CDH10: variants seen among roughly 807,000 people sequenced by gnomAD.
CDH10 encodes cadherin-10.
A neutral mutation model predicts 73.1 loss-of-function variants in CDH10; 30 were observed. The ratio of observed to expected loss-of-function variants is 0.41; its 90% CI spans 0.31 to 0.56. The LOEUF is 0.56. Ranked by LOEUF, CDH10 falls within the 20% of genes least tolerant of loss-of-function variation. CDH10 has a pLI of 0.27. For synonymous variants in CDH10, 345 were observed against 348.2 expected, an observed-to-expected ratio of 0.99 and a Z score of 0.10; for missense variants, 815 against 973.7, an observed-to-expected ratio of 0.84 and a Z score of 2.17.
chr5:24,529,503 C>T (rs1188661548), intron 5 of CDH10, among the ~76,000 whole-genome samples: 1 of 151,826 alleles, frequency 6.6e-6, no homozygotes, highest in Non-Finnish European at 1.5e-5. Context: ...CTAACATTAA[C>T]CAAATGATGA....
rs772588728 is a variant in CDH10 at position 24,488,118 on chromosome 5, G to T, written c.1912C>A (p.Arg638=). The T allele has an allele frequency of 3.7e-6, 6 of 1,610,880 alleles. No individual in the cohort carries two copies. Among genetic ancestry groups the T allele is most frequent in the Non-Finnish European group, 4.2e-6 (5 of 1,178,502 alleles). Residue 638 remains arginine (R), a synonymous_variant, in exon 12 of 12, where the codon CGA becomes AGA. Coordinates refer to ENST00000264463, the MANE Select transcript of CDH10 (RefSeq NM_006727.5). The part of the protein sequence containing the change: ...VVLFAALKRQ[R]KKEPLILSKE... ...GACAAGATCAGAGGCTCTTTTTTTCGCTGTCTTTTCAGAGCTGCAAACAGT... is the reference window on the plus strand; with the variant it reads ...GACAAGATCAGAGGCTCTTTTTTTCTCTGTCTTTTCAGAGCTGCAAACAGT...
intron 1 of CDH10, among the ~76,000 whole-genome samples, chr5:24,599,402 AT>A (rs1746483130): frequency 6.6e-6 from 1 of 152,114 alleles, no homozygotes; most frequent in South Asian, 2.1e-4. Context: ...TTAATTCATT[AT>A]TATTAGGACA....
intron 2 of CDH10, among the ~76,000 whole-genome samples, chr5:24,576,377 T>A (rs980205773): frequency 6.6e-6 from 1 of 152,168 alleles, no homozygotes; most frequent in Non-Finnish European, 1.5e-5. Context: ...TTTAGAAGAT[T>A]ATTATGTAAC....
intron 1 of CDH10, among the ~76,000 whole-genome samples, chr5:24,643,179 G>A (rs553224758): frequency 1.3e-5 from 2 of 151,962 alleles, no homozygotes; most frequent in African/African-American, 4.8e-5. Flanking sequence ...TAGTACACTC[G>A]GGGGAGCGGG....
At chr5:24,565,050 C>CT (rs1244555173) in intron 2 of CDH10, among the ~76,000 whole-genome samples, 1 of 152,170 alleles carries the variant, frequency 6.6e-6, no homozygotes, top group Non-Finnish European at 1.5e-5. Flanking sequence ...GCTCCCATCT[C>CT]TAAGAATGCC....
chr5:24,579,360 C>T (rs13183075), intron 2 of CDH10, among the ~76,000 whole-genome samples: 57,681 of 150,234 alleles, frequency 0.38, 13,406 homozygotes, highest in East Asian at 0.54. Flanking sequence ...TATATGTATA[C>T]ATAAATATAC....
intron 1 of CDH10, among the ~76,000 whole-genome samples, chr5:24,625,328 T>C (rs1747456579): frequency 6.6e-6 from 1 of 151,898 alleles, no homozygotes; most frequent in African/African-American, 2.4e-5. Context: ...TGCACTGATA[T>C]TAAAAAGCCA....
intron 1 of CDH10, among the ~76,000 whole-genome samples, chr5:24,623,509 TTC>T (rs1161813920): frequency 1.3e-5 from 2 of 152,156 alleles, no homozygotes; most frequent in Non-Finnish European, 2.9e-5. Context: ...ATCAGAGAAA[TTC>T]TCTCTTTTCA....
chr5:24,587,002 GC>G (rs1746040183), intron 2 of CDH10, among the ~76,000 whole-genome samples: 1 of 151,514 alleles, frequency 6.6e-6, no homozygotes, highest in Non-Finnish European at 1.5e-5. Context: ...CCGCCACCGT[GC>G]CCGGCTAATT....
At chr5:24,527,342 A>T (rs1246845188) in intron 5 of CDH10, among the ~76,000 whole-genome samples, 2 of 148,004 alleles carry the variant, frequency 1.4e-5, no homozygotes, top group Non-Finnish European at 3.0e-5. Flanking sequence ...TATATAATCA[A>T]ATATACTTAT....
intron 1 of CDH10, among the ~76,000 whole-genome samples, chr5:24,626,223 CAGAG>C (rs988499191): frequency 9.2e-5 from 14 of 152,110 alleles, no homozygotes; most frequent in Admixed American, 6.6e-4. Flanking sequence ...TGGGAGCTAA[CAGAG>C]AGAGTTTTAG....
intron 2 of CDH10, among the ~76,000 whole-genome samples, chr5:24,551,414 T>A (rs943426557): frequency 1.3e-5 from 2 of 152,076 alleles, no homozygotes. Flanking sequence ...GTTTGAGGTA[T>A]TTTTTTAACA....
intron 2 of CDH10, among the ~76,000 whole-genome samples, chr5:24,582,680 CA>C (rs761175900): frequency 1.3e-5 from 2 of 151,588 alleles, no homozygotes; most frequent in African/African-American, 4.8e-5. Context: ...GACTGTGGAT[CA>C]AAAAAAACAC....
chr5:24,573,700 CAAA>C (rs529427692), intron 2 of CDH10, among the ~76,000 whole-genome samples: 5 of 73,154 alleles, frequency 6.8e-5, no homozygotes, highest in Admixed American at 1.6e-4. Flanking sequence ...GACTCCATCT[CAAA>C]AAAAAAAAAA....
At chr5:24,618,992 A>C (rs1747216678) in intron 1 of CDH10, among the ~76,000 whole-genome samples, 1 of 152,188 alleles carries the variant, frequency 6.6e-6, no homozygotes, top group South Asian at 2.1e-4. Flanking sequence ...CATATACTAA[A>C]GTAGTCAATC....
chr5:24,513,607 T>TA (rs2111778980), intron 5 of CDH10, among the ~76,000 whole-genome samples: 1 of 152,318 alleles, frequency 6.6e-6, no homozygotes, highest in African/African-American at 2.4e-5. Flanking sequence ...GGCATATACA[T>TA]ACGCTACATG....
intron 3 of CDH10, 63 bp downstream of exon 3, chr5:24,537,317 A>G (rs909369854): frequency 2.8e-6 from 3 of 1,055,580 alleles, no homozygotes; most frequent in Admixed American, 2.3e-5. Flanking sequence ...ATACTATTAT[A>G]AGAATTTCTT....
intron 2 of CDH10, among the ~76,000 whole-genome samples, chr5:24,555,239 A>T (rs1744724861): frequency 6.6e-6 from 1 of 152,106 alleles, no homozygotes; most frequent in African/African-American, 2.4e-5. Flanking sequence ...TATCAGTGAC[A>T]TTTTATTATT....
At chr5:24,556,618 G>A (rs1744778473) in intron 2 of CDH10, among the ~76,000 whole-genome samples, 1 of 151,534 alleles carries the variant, frequency 6.6e-6, no homozygotes. Context: ...CCCTAAAAGT[G>A]TTACTACTAC....
Sources: allele counts gnomAD v4.1 joint callset (sites outside exome capture counted in the v4.1 genomes callset), GRCh38; gene constraint gnomAD v4.1.1; transcripts MANE v1.5; gene names NCBI Gene and HGNC (gene_info 2026-07-23, HGNC 2026-07-21).